LZTFL1: variants seen among roughly 807,000 people sequenced by gnomAD.
The protein encoded by LZTFL1 is leucine zipper transcription factor-like protein 1.
In LZTFL1, 25 loss-of-function variants were observed where a neutral mutation model predicts 45.9. The observed-to-expected ratio is 0.54, with a 90% CI of 0.40 to 0.76. The LOEUF is 0.76. Ranked by LOEUF, LZTFL1 falls within the 30% of genes least tolerant of loss-of-function variation. The probability of loss-of-function intolerance (pLI) is 0.00; values close to 1 mark genes in which losing one functional copy is unlikely to be tolerated. For missense variants in LZTFL1, 277 were observed against 331.1 expected (o/e 0.84, Z 1.27); for synonymous variants, 93 against 117.4 (o/e 0.79, Z 1.35).
At chr3:45,888,569 A>C (rs1702052002) in intron 2 of LZTFL1, among the ~76,000 whole-genome samples, 2 of 152,256 alleles carry the variant, frequency 1.3e-5, no homozygotes, top group African/African-American at 2.4e-5. Flanking sequence ...TGGCACCTGC[A>C]ACAAGGCCTC....
At chr3:45,885,556 G>A (rs1701956409) in intron 2 of LZTFL1, among the ~76,000 whole-genome samples, 1 of 152,074 alleles carries the variant, frequency 6.6e-6, no homozygotes, top group South Asian at 2.1e-4. Context: ...TGTGTTCCTA[G>A]CTACATCTCA....
intron 2 of LZTFL1, among the ~76,000 whole-genome samples, chr3:45,837,587 A>G (rs1380502834): frequency 6.6e-6 from 1 of 152,226 alleles, no homozygotes; most frequent in East Asian, 1.9e-4. Flanking sequence ...TATAGCTCTA[A>G]CCATTTAATT....
At chr3:45,837,764 CTTT>C (rs1394331510) in intron 2 of LZTFL1, among the ~76,000 whole-genome samples, 160 bp downstream of exon 2, 2 of 152,242 alleles carry the variant, frequency 1.3e-5, no homozygotes, top group African/African-American at 4.8e-5. Context: ...AATACAACTT[CTTT>C]TGTTTCCTGT....
intron 2 of LZTFL1, among the ~76,000 whole-genome samples, chr3:45,868,719 CATA>C (rs1350750075): frequency 6.6e-6 from 1 of 152,164 alleles, no homozygotes. Flanking sequence ...GATAGAAAAT[CATA>C]ATAACAGCCG....
upstream of LZTFL1, among the ~76,000 whole-genome samples, chr3:45,845,726 C>A (rs1033128162): frequency 1.3e-5 from 2 of 152,110 alleles, no homozygotes; most frequent in Non-Finnish European, 2.9e-5. Context: ...AGGGTGTTCA[C>A]CAATTGCATT....
chr3:45,882,106 G>A (rs1245892000), intron 2 of LZTFL1, among the ~76,000 whole-genome samples: 1 of 152,182 alleles, frequency 6.6e-6, no homozygotes, highest in African/African-American at 2.4e-5. Flanking sequence ...CTCTATTCTA[G>A]ATCCTCAAGA....
chr3:45,885,149 T>G (rs994856070), intron 2 of LZTFL1, among the ~76,000 whole-genome samples: 4 of 152,130 alleles, frequency 2.6e-5, no homozygotes, highest in African/African-American at 9.7e-5. Flanking sequence ...CTGAGGGTGA[T>G]GAAGGGGACA....
chr3:45,837,823 G>C, intron 2 of LZTFL1, 104 bp downstream of exon 2: 1 of 1,255,316 alleles, frequency 8.0e-7, no homozygotes. Context: ...AATTGATCAT[G>C]ATGAATCCCA....
At chr3:45,854,848 A>G (rs1259081993) in intron 4 of LZTFL1, 1 of 620,976 alleles carries the variant, frequency 1.6e-6, no homozygotes, top group Non-Finnish European at 2.7e-6. Context: ...AAATAACTCA[A>G]AATCATCACC....
chr3:45,907,105 T>A lies in LZTFL1; in HGVS notation c.-215+6015A>T, dbSNP rs1702698653. On this transcript the variant is annotated intron_variant, in intron 2 of 4. Coordinates refer to the LZTFL1 transcript ENST00000472635. The stretch of plus-strand genomic sequence containing the variant: ...TGTCCATCCTGCCCATGGCCGGTGG[T>A]CTGCAGGGCTGGCTTCCGCCCTGGC... 5.9e-5 allele frequency among the ~76,000 whole-genome samples: 9 copies of A among 152,262 alleles called. No homozygotes were observed. In the South Asian group the frequency reaches 1.9e-3, roughly 32 times the overall value.
intron 4 of LZTFL1, 131 bp from the exon 5 acceptor site, chr3:45,833,252 G>A (rs1700879148): frequency 1.5e-6 from 1 of 652,682 alleles, no homozygotes; most frequent in African/African-American, 1.8e-5. Context: ...TTCCACAGGT[G>A]TGGAGATTTC....
intron 3 of LZTFL1, among the ~76,000 whole-genome samples, chr3:45,856,048 A>AT (rs1174425625): frequency 1.3e-5 from 2 of 152,152 alleles, no homozygotes; most frequent in East Asian, 3.8e-4. Flanking sequence ...TAGAAAAAAA[A>AT]TTTTTTAATT....
At chr3:45,839,239 C>T (rs544381019) in intron 1 of LZTFL1, among the ~76,000 whole-genome samples, 1 of 152,250 alleles carries the variant, frequency 6.6e-6, no homozygotes, top group Non-Finnish European at 1.5e-5. Flanking sequence ...CAGGCGCCCA[C>T]CACCACGCCT....
chr3:45,881,517 C>G (rs1559417953), intron 2 of LZTFL1, among the ~76,000 whole-genome samples: 1 of 152,148 alleles, frequency 6.6e-6, no homozygotes, highest in Admixed American at 6.5e-5. Flanking sequence ...CTCTCTCACT[C>G]TCTGAGAATT....
chr3:45,897,512 ACC>A, intron 2 of LZTFL1: 1 of 1,258,380 alleles, frequency 7.9e-7, no homozygotes, highest in Non-Finnish European at 1.1e-6. Context: ...AAGCTGGGTC[ACC>A]CAGGTCCTGG....
At chr3:45,886,521 G>A (rs1473005649) in intron 2 of LZTFL1, 1 of 152,258 alleles carries the variant, frequency 6.6e-6, no homozygotes, top group African/African-American at 2.4e-5. Flanking sequence ...TTCTCGTGTT[G>A]TTATCGGGTA....
At chr3:45,858,148 A>T (rs180994289) in intron 3 of LZTFL1, among the ~76,000 whole-genome samples, 1 of 152,234 alleles carries the variant, frequency 6.6e-6, no homozygotes, top group African/African-American at 2.4e-5. Flanking sequence ...ATCCATTTCC[A>T]AGAAGAATAA....
At chr3:45,857,779 T>C (rs1329829441) in intron 3 of LZTFL1, among the ~76,000 whole-genome samples, 1 of 152,202 alleles carries the variant, frequency 6.6e-6, no homozygotes, top group African/African-American at 2.4e-5. Context: ...TACAGAGATT[T>C]CTCATAAACC....
chr3:45,888,586 C>T (rs1040112678), intron 2 of LZTFL1, among the ~76,000 whole-genome samples: 4 of 152,196 alleles, frequency 2.6e-5, no homozygotes, highest in African/African-American at 9.6e-5. Flanking sequence ...CCTCACTGAG[C>T]AGCAAGGGAG....
Sources: gnomAD v4.1 joint callset for allele counts (sites outside exome capture counted in the v4.1 genomes callset) on GRCh38, gnomAD v4.1.1 for gene constraint, MANE v1.5 for transcripts, NCBI Gene and HGNC (gene_info 2026-07-23, HGNC 2026-07-21) for gene names.